Variants in SLC4A10 observed in about 807,000 individuals in gnomAD.
The protein encoded by SLC4A10 is solute carrier family 4 member 10.
SLC4A10 carries 42 observed loss-of-function variants against 137.7 expected under a neutral mutation model. The observed-to-expected ratio is 0.30, with a 90% CI of 0.24 to 0.39. The LOEUF (loss-of-function observed/expected upper bound fraction) is 0.39. Ranked by LOEUF, SLC4A10 falls within the 10% of genes least tolerant of loss-of-function variation. The pLI, the probability that SLC4A10 is intolerant of heterozygous loss-of-function variation, is 1.00. For synonymous variants in SLC4A10, 474 were observed against 464.1 expected (o/e 1.02, Z -0.27); for missense variants, 925 against 1,355.0 (o/e 0.68, Z 4.98).
intron 1 of SLC4A10, among the ~76,000 whole-genome samples, chr2:161,648,096 T>G (rs10803779): frequency 0.9 from 137,588 of 152,038 alleles, 62,363 homozygotes; most frequent in East Asian, 1. Context: ...AAGAAAAAAT[T>G]TTAAACAAAA....
chr2:161,634,795 C>T (rs2034151290), intron 1 of SLC4A10, among the ~76,000 whole-genome samples: 1 of 151,644 alleles, frequency 6.6e-6, no homozygotes, highest in Non-Finnish European at 1.5e-5. Context: ...AATAGAACAC[C>T]AGAACTTATT....
At chr2:161,659,676 A>G (rs1371276089) in intron 1 of SLC4A10, among the ~76,000 whole-genome samples, 1 of 152,222 alleles carries the variant, frequency 6.6e-6, no homozygotes, top group African/African-American at 2.4e-5. Context: ...TTGCAAAGGA[A>G]AACATATGTC....
intron 1 of SLC4A10, among the ~76,000 whole-genome samples, chr2:161,678,690 C>T (rs923735664): frequency 8.6e-5 from 13 of 152,024 alleles, no homozygotes; most frequent in Admixed American, 7.2e-4. Context: ...TTTACCTCTT[C>T]TTGAGTTTCA....
At chr2:161,966,700 G>A (rs1697645817) in intron 23 of SLC4A10, among the ~76,000 whole-genome samples, 1 of 149,802 alleles carries the variant, frequency 6.7e-6, no homozygotes. Context: ...GTGAGCCACT[G>A]CACTCCAGCC....
At chr2:161,785,094 T>G (rs184064486) in intron 2 of SLC4A10, among the ~76,000 whole-genome samples, 30 of 151,398 alleles carry the variant, frequency 2.0e-4, no homozygotes, top group Non-Finnish European at 4.0e-4. Flanking sequence ...TTCATAAGTA[T>G]CTATGATAAA....
At position 161,879,118 on chromosome 2, in the gene SLC4A10, G is replaced by A. The variant is rs2061601922; in HGVS notation, c.949-13G>A. Reference sequence around the variant, plus strand: ...AATTTTGATTTATCATATTTACCTGGTGATGCTTGCAGGTTGATCTGCATT... The same window carrying A: ...AATTTTGATTTATCATATTTACCTGATGATGCTTGCAGGTTGATCTGCATT... On this transcript the variant is annotated splice_polypyrimidine_tract_variant and intron_variant, in intron 8 of 26. Transcript: ENST00000446997. The A allele has an allele frequency of 6.2e-7, 1 of 1,611,600 alleles. No homozygotes were observed. Among genetic ancestry groups the A allele is most frequent in the Non-Finnish European group, 8.5e-7 (1 of 1,178,480 alleles).
In SLC4A10 at chr2:161,862,973, A is replaced by G; in HGVS notation, c.677A>G (p.Gln226Arg). The change falls in exon 6 of 27, where the codon CAG becomes CGG. Residue 226 changes from glutamine (Q) to arginine (R), a missense_variant. By Grantham distance (43) the Gln-to-Arg change is conservative. Coordinates refer to ENST00000446997, the MANE Select transcript of SLC4A10 (RefSeq NM_001178015.2). ...ATGAAACAGCATCATCATCAGAATCAGAAAAAACTCACCAACAGGATTCCC... is the reference window on the plus strand; with the variant it reads ...ATGAAACAGCATCATCATCAGAATCGGAAAAAACTCACCAACAGGATTCCC... ...ALMKQHHHQN[Q>R]KKLTNRIPIV... 1 of 1,613,968 alleles carries G rather than the reference A, an allele frequency of 6.2e-7. No individual in the cohort carries two copies. Among genetic ancestry groups the G allele is most frequent in the Non-Finnish European group, 8.5e-7 (1 of 1,179,866 alleles).
intron 22 of SLC4A10, 140 bp from the exon 23 acceptor site, chr2:161,964,911 G>A: frequency 1.6e-6 from 1 of 615,644 alleles, no homozygotes; most frequent in East Asian, 3.4e-5. Context: ...ACTAGACAAT[G>A]TTTTATACAT....
chr2:161,771,452 A>T (rs866097146), intron 2 of SLC4A10, among the ~76,000 whole-genome samples: 220 of 151,942 alleles, frequency 1.4e-3, no homozygotes, highest in African/African-American at 5.1e-3. Context: ...TCAGAGGTAT[A>T]GTCACCATTT....
At chr2:161,630,406 C>A (rs1298022353) in intron 1 of SLC4A10, among the ~76,000 whole-genome samples, 1 of 27,116 alleles carries the variant, frequency 3.7e-5, no homozygotes, top group African/African-American at 1.2e-4. Context: ...GAAGGTTATT[C>A]ATTGTTGACA....
intron 5 of SLC4A10, among the ~76,000 whole-genome samples, chr2:161,857,987 C>G (rs1411103093): frequency 6.6e-6 from 1 of 152,166 alleles, no homozygotes; most frequent in Admixed American, 6.5e-5. Flanking sequence ...GCTAGGATTA[C>G]AGGCATGAGT....
intron 1 of SLC4A10, among the ~76,000 whole-genome samples, chr2:161,705,420 A>G (rs183609974): frequency 6.6e-6 from 1 of 151,714 alleles, no homozygotes. Context: ...ATTATTATAA[A>G]GAAGTTCTTG....
At chr2:161,864,788 T>G (rs1559414994) in intron 6 of SLC4A10, among the ~76,000 whole-genome samples, 1 of 152,136 alleles carries the variant, frequency 6.6e-6, no homozygotes, top group Admixed American at 6.5e-5. Flanking sequence ...ATGTGATACA[T>G]AAGATAACAA....
chr2:161,914,973 C>T (rs1464358784), intron 15 of SLC4A10, among the ~76,000 whole-genome samples: 1 of 152,116 alleles, frequency 6.6e-6, no homozygotes, highest in African/African-American at 2.4e-5. Context: ...ACTTCCATCC[C>T]TGTGTGCCTG....
At chr2:161,849,264 C>T (rs944533520) in intron 4 of SLC4A10, among the ~76,000 whole-genome samples, 24 of 152,068 alleles carry the variant, frequency 1.6e-4, no homozygotes, top group African/African-American at 5.8e-4. Flanking sequence ...TATCTTAAAA[C>T]TTTGCTGAAG....
At chr2:161,849,538 T>C (rs911493374) in intron 4 of SLC4A10, among the ~76,000 whole-genome samples, 2 of 152,176 alleles carry the variant, frequency 1.3e-5, no homozygotes, top group African/African-American at 4.8e-5. Context: ...GCTGTAGGTT[T>C]GTTGTAGATA....
In SLC4A10 at chr2:161,985,147, C is replaced by A. The variant is rs1203233853; in HGVS notation, c.*1995C>A. 2.0e-5 allele frequency: 3 copies of A among 151,904 alleles called. No homozygotes were observed. The highest frequency in any genetic ancestry group is 3.9e-4 in the East Asian group (2 of 5,190). The allele number at this position is 151,904 out of a possible 1,614,324, so 9.4% of individuals were successfully genotyped here. A position where few individuals can be genotyped will look rare whatever the true frequency, so the allele number is the denominator to read the frequency against. On this transcript the variant is annotated 3_prime_UTR_variant, in exon 27 of 27. Transcript: ENST00000446997. ...ATTCCTGGTCAAAATTACTAAATAT[C>A]TTGAATGTAATTTAGTGCCAAGTTT...
intron 3 of SLC4A10, among the ~76,000 whole-genome samples, chr2:161,812,218 T>C (rs931630711): frequency 6.6e-6 from 1 of 152,040 alleles, no homozygotes; most frequent in Non-Finnish European, 1.5e-5. Context: ...ATTAAAAAAC[T>C]TTTCCATCCC....
At chr2:161,901,499 AATTTATT>A (rs1683104092) in intron 12 of SLC4A10, among the ~76,000 whole-genome samples, 1 of 152,126 alleles carries the variant, frequency 6.6e-6, no homozygotes, top group Non-Finnish European at 1.5e-5. Context: ...TGAAAGCTTC[AATTTATT>A]TCTTAAAATG....
Sources: gnomAD v4.1 joint callset for allele counts (sites outside exome capture counted in the v4.1 genomes callset) on GRCh38, gnomAD v4.1.1 for gene constraint, MANE v1.5 for transcripts, NCBI Gene and HGNC (gene_info 2026-07-23, HGNC 2026-07-21) for gene names.